DPT: variants seen among roughly 807,000 people sequenced by gnomAD.
DPT encodes dermatopontin.
A neutral mutation model predicts 31.2 loss-of-function variants in DPT; 21 were observed. The ratio of observed to expected loss-of-function variants is 0.67; its 90% CI spans 0.48 to 0.97. The LOEUF (loss-of-function observed/expected upper bound fraction) is 0.97. Ranked by LOEUF, DPT falls within the 50% of genes least tolerant of loss-of-function variation. The pLI is 0.00. For synonymous variants in DPT, 91 were observed against 86.9 expected, an observed-to-expected ratio of 1.05 and a Z score of -0.26; for missense variants, 262 against 258.8, an observed-to-expected ratio of 1.01 and a Z score of -0.08.
chr1:168,725,540 A>G (rs1038508739), intron 1 of DPT, among the ~76,000 whole-genome samples: 1 of 152,126 alleles, frequency 6.6e-6, no homozygotes, highest in African/African-American at 2.4e-5. Context: ...GACCCAAGTT[A>G]GAGCAGATTC....
intron 3 of DPT, 94 bp downstream of exon 3, chr1:168,700,923 G>A: frequency 2.8e-6 from 2 of 717,210 alleles, no homozygotes; most frequent in Non-Finnish European, 4.9e-6. Context: ...GTGTGTGTGT[G>A]TGTGTTTATA....
Position 168,729,061 on chromosome 1 carries a change from C to G in DPT, c.114G>C (p.Trp38Cys). Residue 38 changes from tryptophan to cysteine, a missense_variant, in exon 1 of 4, where the codon TGG (tryptophan) becomes TGC (cysteine). Transcript: ENST00000367817. ...TGAAGCCTTGCCGGTTCAAATTCAC[C>G]CACCCATCATCGCTGTAGTCATGAT... Reference protein sequence around the residue: ...QQYHDYSDDGWVNLNRQGFSY... With the variant: ...QQYHDYSDDGCVNLNRQGFSY... 1.2e-6 allele frequency: 2 copies of G among 1,614,226 alleles called. No homozygotes were observed. Among genetic ancestry groups the G allele is most frequent in the Non-Finnish European group, 1.7e-6 (2 of 1,180,052 alleles).
At position 168,696,328 on chromosome 1, in the gene DPT, G is replaced by A. The variant is rs1649465476; in HGVS notation, c.*221C>T. On this transcript the variant is annotated 3_prime_UTR_variant, in exon 4 of 4. Coordinates refer to ENST00000367817, the MANE Select transcript of DPT (RefSeq NM_001937.5). ...ATCAGTCATATAAAGCAGTTGCTAT[G>A]AAACATGTGAAAAGTGAGAAACATG... The A allele has an allele frequency of 3.4e-6, 2 of 581,576 alleles. No homozygotes were observed. 36.0% of individuals were successfully genotyped at this position (581,576 alleles called of 1,614,324 possible).
rs144545735 is a variant in DPT at position 168,697,297 on chromosome 1, C to T, written c.540-682G>A. On this transcript the variant is annotated intron_variant, in intron 3 of 3. Coordinates refer to ENST00000367817, the MANE Select transcript of DPT (RefSeq NM_001937.5). ...GAAAAAAATCTTGTTTTAAAAAGTC[C>T]GTCCATTTTCCCACTGACTCTTTCT... 4.6e-3 allele frequency among the ~76,000 whole-genome samples: 701 copies of T among 152,168 alleles called. 6 individuals are homozygous for T. Among genetic ancestry groups the T allele is most frequent in the African/African-American group, 0.016 (649 of 41,526 alleles).
intron 2 of DPT, 69 bp from the exon 3 acceptor site, chr1:168,701,193 A>G (rs536242064): frequency 8.3e-7 from 1 of 1,205,850 alleles, no homozygotes; most frequent in Non-Finnish European, 1.2e-6. Context: ...AACAGAAGAC[A>G]CACTATGAAG....
intron 2 of DPT, among the ~76,000 whole-genome samples, chr1:168,704,936 T>G (rs544628325): frequency 3.3e-5 from 5 of 152,224 alleles, no homozygotes; most frequent in Non-Finnish European, 7.3e-5. Flanking sequence ...TACAATATCA[T>G]AGACTGAGCT....
rs1572635532 is a variant in DPT, at chr1:168,728,946, A to G, written c.229T>C (p.Cys77Arg). 1.2e-6 allele frequency: 2 copies of G among 1,614,190 alleles called. No individual in the cohort carries two copies. ...CCGAGGCTCTGTGGCGTGGGCATGCAGGCGTAGTTCCATTGTCTGTCAGAA... is the reference window on the plus strand; with the variant it reads ...CCGAGGCTCTGTGGCGTGGGCATGCGGGCGTAGTTCCATTGTCTGTCAGAA... ...EGSDRQWNYA[C>R]MPTPQSLGEP... Residue 77 changes from cysteine (C) to arginine (R), a missense_variant, in exon 1 of 4, where the codon TGC becomes CGC. Transcript: ENST00000367817.
chr1:168,727,894 A>T (rs994289177), intron 1 of DPT, among the ~76,000 whole-genome samples: 2 of 152,060 alleles, frequency 1.3e-5, no homozygotes, highest in African/African-American at 4.8e-5. Flanking sequence ...GTTGCCACAC[A>T]TCTGGGTTGC....
At chr1:168,708,890 A>G (rs570006642) in intron 2 of DPT, among the ~76,000 whole-genome samples, 2 of 152,184 alleles carry the variant, frequency 1.3e-5, no homozygotes, top group African/African-American at 4.8e-5. Context: ...AGAATTAAAG[A>G]TTAGCTTTGA....
At chr1:168,707,612 C>T (rs1189935636) in intron 2 of DPT, among the ~76,000 whole-genome samples, 1 of 152,158 alleles carries the variant, frequency 6.6e-6, no homozygotes, top group Non-Finnish European at 1.5e-5. Flanking sequence ...CCAAATGTCA[C>T]CTTGAATTGT....
At chr1:168,714,147 C>G in intron 2 of DPT, 74 bp downstream of exon 2, 2 of 1,599,282 alleles carry the variant, frequency 1.3e-6, no homozygotes, top group South Asian at 2.2e-5. Flanking sequence ...TCAAGCTTAC[C>G]TGAAGCTAGA....
chr1:168,710,622 G>A (rs977373506), intron 2 of DPT, among the ~76,000 whole-genome samples: 20 of 152,108 alleles, frequency 1.3e-4, no homozygotes, highest in African/African-American at 4.3e-4. Flanking sequence ...ATGTCTATAT[G>A]ATCATTACAT....
At chr1:168,718,981 C>T (rs991889046) in intron 1 of DPT, among the ~76,000 whole-genome samples, 1 of 152,162 alleles carries the variant, frequency 6.6e-6, no homozygotes, top group Non-Finnish European at 1.5e-5. Context: ...ATGTCTTAGC[C>T]ACCCACTTTG....
At chr1:168,700,908 GGTGTGT>G in intron 3 of DPT, 103 bp downstream of exon 3, 1 of 127,558 alleles carries the variant, frequency 7.8e-6, no homozygotes, top group Non-Finnish European at 1.3e-5. Context: ...TGTGTGTGTG[GGTGTGT>G]GTGTGTGTGT....
intron 2 of DPT, among the ~76,000 whole-genome samples, chr1:168,705,764 A>T (rs1176347445): frequency 1.3e-5 from 2 of 152,244 alleles, no homozygotes. Context: ...TGTCTCACCC[A>T]AATCTCATTT....
At chr1:168,720,054 A>G (rs1475134216) in intron 1 of DPT, among the ~76,000 whole-genome samples, 1 of 152,190 alleles carries the variant, frequency 6.6e-6, no homozygotes, top group African/African-American at 2.4e-5. Context: ...AAAACATAAC[A>G]GCAGTGGGGT....
In DPT at chr1:168,710,688, AGTAT is replaced by A. The variant is rs574507388; in HGVS notation, c.431+3529_431+3532del. On this transcript the variant is annotated intron_variant, in intron 2 of 3. Coordinates refer to ENST00000367817, the MANE Select transcript of DPT (RefSeq NM_001937.5). ...AAGGGAGCTTGAGAAGCCTTTCTAA[AGTAT>A]GTGAGAGGAACGATACCTAGCATTC... is the stretch of plus-strand genomic sequence containing the variant. Among the ~76,000 whole-genome samples the A allele has an allele frequency of 1.3e-3, 196 of 152,284 alleles. 3 individuals are homozygous for A. The South Asian group carries it at 0.013, about 10-fold the overall frequency.
chr1:168,699,248 G>A (rs754877974), intron 3 of DPT, among the ~76,000 whole-genome samples: 8 of 152,028 alleles, frequency 5.3e-5, no homozygotes, highest in Admixed American at 2.0e-4. Flanking sequence ...CTGTTATTTC[G>A]TTTTGCACTT....
Position 168,717,458 on chromosome 1 carries a change from C to T in DPT, c.306-3112G>A, listed in dbSNP as rs569909584. Among the ~76,000 whole-genome samples, 6 of 152,154 alleles carry T rather than the reference C, an allele frequency of 3.9e-5. No individual in the cohort carries two copies. In the South Asian group the frequency reaches 1.2e-3, roughly 32 times the overall value. On this transcript the variant is annotated intron_variant, in intron 1 of 3. Coordinates refer to ENST00000367817, the MANE Select transcript of DPT (RefSeq NM_001937.5). ...TCCTTGTAGATTCTGGATGTTAGAC[C>T]TTTGTCAGATGGGTAGTTTGCAAAA...
Sources: allele counts gnomAD v4.1 joint callset (sites outside exome capture counted in the v4.1 genomes callset), GRCh38; gene constraint gnomAD v4.1.1; transcripts MANE v1.5; gene names NCBI Gene and HGNC (gene_info 2026-07-23, HGNC 2026-07-21).